Variants in CAMK1D observed in about 807,000 individuals in gnomAD.
CAMK1D encodes the protein calcium/calmodulin dependent protein kinase ID.
Under a neutral mutation model 47.7 loss-of-function variants are expected in CAMK1D, and 9 were observed. The observed-to-expected ratio is 0.19, with a 90% CI of 0.11 to 0.33. The LOEUF is 0.33. Among genes scored for constraint, CAMK1D ranks in the 10% least tolerant of loss-of-function variants. The pLI, the probability that CAMK1D is intolerant of heterozygous loss-of-function variation, is 1.00. For missense variants in CAMK1D, 291 were observed against 488.7 expected, an observed-to-expected ratio of 0.60 and a Z score of 3.81; for synonymous variants, 184 against 184.9, an observed-to-expected ratio of 0.99 and a Z score of 0.04.
intron 1 of CAMK1D, among the ~76,000 whole-genome samples, chr10:12,451,779 G>A (rs1235921493): frequency 6.6e-6 from 1 of 151,948 alleles, no homozygotes; most frequent in Non-Finnish European, 1.5e-5. Context: ...GTTTGTGTGT[G>A]TGTGTGTGTG....
At chr10:12,820,752 A>G (rs1328494321) in intron 8 of CAMK1D, among the ~76,000 whole-genome samples, 2 of 152,186 alleles carry the variant, frequency 1.3e-5, no homozygotes. Context: ...CTCTTAGCAG[A>G]TGGAGGCAGC....
In CAMK1D at chr10:12,578,715, C is replaced by T. The variant is rs865828506; in HGVS notation, c.224+25359C>T. 1.0e-4 allele frequency: 16 copies of T among 153,608 alleles called. No individual in the cohort carries two copies. In the Middle Eastern group the frequency reaches 6.6e-3, roughly 63 times the overall value. 9.5% of individuals were successfully genotyped at this position (153,608 alleles called of 1,614,324 possible). On this transcript the variant is annotated intron_variant, in intron 2 of 10. Transcript: ENST00000619168. ...CAAGCATGAGCCACTGCACCGAGACCGATGACCCACTTTTAACAGCTGAGA... is the reference window on the plus strand; with the variant it reads ...CAAGCATGAGCCACTGCACCGAGACTGATGACCCACTTTTAACAGCTGAGA...
intron 1 of CAMK1D, among the ~76,000 whole-genome samples, chr10:12,440,445 A>T (rs1031550052): frequency 1.2e-4 from 18 of 151,820 alleles, no homozygotes; most frequent in African/African-American, 4.4e-4. Context: ...ACGCCACCAC[A>T]CCTGGCTAAT....
chr10:12,630,223 A>G (rs571763980), intron 2 of CAMK1D, among the ~76,000 whole-genome samples: 7 of 152,252 alleles, frequency 4.6e-5, no homozygotes, highest in Admixed American at 2.0e-4. Flanking sequence ...TCTTCTTCCC[A>G]GCATCTTCTC....
At chr10:12,615,361 GT>G (rs1237805269) in intron 2 of CAMK1D, among the ~76,000 whole-genome samples, 1 of 152,206 alleles carries the variant, frequency 6.6e-6, no homozygotes, top group African/African-American at 2.4e-5. Context: ...ATTTACTCAA[GT>G]ATAGGTTCTG....
intron 1 of CAMK1D, among the ~76,000 whole-genome samples, chr10:12,427,720 T>TTTTTTTTTTTTTTTTTTC: frequency 7.7e-6 from 1 of 129,208 alleles, no homozygotes; most frequent in Non-Finnish European, 1.6e-5. Flanking sequence ...TTTTTTTTTT[T>TTTTTTTTTTTTTTTTTTC]TTTTTGAGAC....
chr10:12,404,312 T>C (rs1269984386), intron 1 of CAMK1D, among the ~76,000 whole-genome samples: 1 of 152,224 alleles, frequency 6.6e-6, no homozygotes, highest in Admixed American at 6.5e-5. Context: ...CCCAGAGTGC[T>C]GGGATTACAG....
intron 1 of CAMK1D, among the ~76,000 whole-genome samples, chr10:12,532,958 G>C (rs965544266): frequency 9.5e-6 from 1 of 104,992 alleles, no homozygotes; most frequent in Non-Finnish European, 1.7e-5. Flanking sequence ...AGGTTGGGGA[G>C]GGGGGTGGGT....
At chr10:12,715,102 C>A (rs963930638) in intron 3 of CAMK1D, among the ~76,000 whole-genome samples, 2 of 152,270 alleles carry the variant, frequency 1.3e-5, no homozygotes, top group Middle Eastern at 3.4e-3. Context: ...CCTCAGACGC[C>A]CCCTACACCC....
intron 2 of CAMK1D, among the ~76,000 whole-genome samples, chr10:12,608,818 A>T (rs1235773912): frequency 6.6e-6 from 1 of 152,270 alleles, no homozygotes; most frequent in Non-Finnish European, 1.5e-5. Context: ...ATGGTTAAGT[A>T]TGTTGGCCCT....
At chr10:12,678,145 A>ACAT (rs1554808811) in intron 3 of CAMK1D, among the ~76,000 whole-genome samples, 32 of 152,304 alleles carry the variant, frequency 2.1e-4, no homozygotes, top group South Asian at 1.9e-3. Context: ...ATTTATAGCT[A>ACAT]TAAATTTTCC....
chr10:12,815,917 A>G (rs959619765), intron 7 of CAMK1D, among the ~76,000 whole-genome samples: 7 of 152,244 alleles, frequency 4.6e-5, no homozygotes, highest in Non-Finnish European at 8.8e-5. Flanking sequence ...TCTCTAAGGC[A>G]GTGATGGACT....
intron 1 of CAMK1D, among the ~76,000 whole-genome samples, chr10:12,523,393 C>T (rs892842050): frequency 2.0e-5 from 3 of 152,288 alleles, no homozygotes; most frequent in South Asian, 2.1e-4. Flanking sequence ...CCAAGGCAGG[C>T]GGCTGGGAGG....
intron 3 of CAMK1D, among the ~76,000 whole-genome samples, chr10:12,746,152 C>G (rs574527524): frequency 2.1e-5 from 3 of 145,824 alleles, no homozygotes; most frequent in Non-Finnish European, 4.4e-5. Context: ...TCCGCATGGT[C>G]AGGAGGTGGA....
chr10:12,640,135 A>G (rs1200442109), intron 2 of CAMK1D, among the ~76,000 whole-genome samples: 1 of 152,116 alleles, frequency 6.6e-6, no homozygotes, highest in East Asian at 1.9e-4. Context: ...AGCCCCAGCA[A>G]TTTCTCCTCT....
In CAMK1D at chr10:12,441,900, C is replaced by A. The variant is rs1208897525; in HGVS notation, c.92+91990C>A. ...CATACTCAAAGATGACAACTAAAAT[C>A]CCCAGATAAACTGAGAAGCGCTTGA... On this transcript the variant is annotated intron_variant, in intron 1 of 10. Transcript: ENST00000619168. Among the ~76,000 whole-genome samples the A allele has an allele frequency of 2.0e-5, 3 of 152,176 alleles. No individual in the cohort carries two copies. In the East Asian group the frequency reaches 5.8e-4, roughly 29 times the overall value.
rs566810980 is a variant in CAMK1D, at chr10:12,528,217, C to T, written c.93-25008C>T. Among the ~76,000 whole-genome samples the T allele has an allele frequency of 5.3e-5, 8 of 152,278 alleles. No homozygotes were observed. In the East Asian group the frequency reaches 1.5e-3, roughly 29 times the overall value. ...ATCTAGGCTGTATGGCTCAAAAGTC[C>T]ACAGACATAACTACAATTATACAAT... On this transcript the variant is annotated intron_variant, in intron 1 of 10. Coordinates refer to ENST00000619168, the MANE Select transcript of CAMK1D (RefSeq NM_153498.4).
At chr10:12,670,126 CTTTTTT>C (rs58173311) in intron 3 of CAMK1D, among the ~76,000 whole-genome samples, 1 of 88,202 alleles carries the variant, frequency 1.1e-5, no homozygotes, top group Non-Finnish European at 2.3e-5. Flanking sequence ...TACCGTTTTG[CTTTTTT>C]TTTTTTTTTT....
intron 2 of CAMK1D, among the ~76,000 whole-genome samples, chr10:12,657,250 C>T (rs1185460380): frequency 1.3e-5 from 2 of 152,016 alleles, no homozygotes; most frequent in African/African-American, 2.4e-5. Flanking sequence ...CATGGTGAAA[C>T]CCCGTCTCTA....
Sources: gnomAD v4.1 joint callset for allele counts (sites outside exome capture counted in the v4.1 genomes callset) on GRCh38, gnomAD v4.1.1 for gene constraint, MANE v1.5 for transcripts, NCBI Gene and HGNC (gene_info 2026-07-23, HGNC 2026-07-21) for gene names.